Variants in SNX29 observed in about 807,000 individuals in gnomAD.
SNX29 encodes sorting nexin-29.
In SNX29, 78 loss-of-function variants were observed where a neutral mutation model predicts 102.1. The ratio of observed to expected loss-of-function variants is 0.76; its 90% CI spans 0.64 to 0.92. SNX29 has a LOEUF of 0.92. Ranked by LOEUF, SNX29 falls within the 40% of genes least tolerant of loss-of-function variation. The pLI, the probability that SNX29 is intolerant of heterozygous loss-of-function variation, is 0.00. For missense variants in SNX29, 1,280 were observed against 1,061.7 expected (o/e 1.21, Z -2.86); for synonymous variants, 580 against 414.5 (o/e 1.40, Z -4.85).
chr16:12,495,598 G>A (rs1212177155), intron 19 of SNX29, among the ~76,000 whole-genome samples: 2 of 152,336 alleles, frequency 1.3e-5, no homozygotes, highest in East Asian at 3.9e-4. Context: ...CTTAAACATG[G>A]TAAGTGTGTT....
At chr16:12,301,825 A>G (rs567745836) in intron 15 of SNX29, among the ~76,000 whole-genome samples, 11 of 152,224 alleles carry the variant, frequency 7.2e-5, no homozygotes, top group Non-Finnish European at 1.3e-4. Context: ...GGACAGAGAA[A>G]GAAAGATTTT....
Position 12,568,570 on chromosome 16 carries a change from C to T in SNX29, c.2383C>T (p.Leu795=), listed in dbSNP as rs1257531107. ...CAAAGCAGCTTCCCGCTTCCCCAAA[C>T]TGTCCCGGGGTCAGCCCCGGGAGAC... ...RPKAASRFPK[L]SRGQPRETRN... Residue 795 remains leucine (L), a synonymous_variant, in exon 21 of 21, where the codon CTG becomes TTG. Transcript: ENST00000566228. 4.4e-6 allele frequency: 7 copies of T among 1,608,286 alleles called. No homozygotes were observed. The highest frequency in any genetic ancestry group is 5.9e-6 in the Non-Finnish European group (7 of 1,179,850).
chr16:11,997,710 G>C (rs2056135552), intron 1 of SNX29, among the ~76,000 whole-genome samples: 1 of 151,986 alleles, frequency 6.6e-6, no homozygotes, highest in African/African-American at 2.4e-5. Flanking sequence ...AACTCCTGAT[G>C]TCAAGCAATC....
chr16:12,168,740 G>A (rs556388680), intron 13 of SNX29, among the ~76,000 whole-genome samples: 1 of 152,166 alleles, frequency 6.6e-6, no homozygotes, highest in Admixed American at 6.5e-5. Flanking sequence ...TAACAATAAC[G>A]TATTGAGTTA....
intron 16 of SNX29, among the ~76,000 whole-genome samples, chr16:12,390,768 T>C (rs76532863): frequency 0.013 from 2,025 of 152,074 alleles, 46 homozygotes; most frequent in African/African-American, 0.047. Flanking sequence ...CAGCTTCTGT[T>C]GTCCCCATTT....
intron 19 of SNX29, among the ~76,000 whole-genome samples, chr16:12,486,153 C>G (rs2088219082): frequency 6.6e-6 from 1 of 152,192 alleles, no homozygotes. Context: ...TGGCTCGTGG[C>G]CCCTTCCTCT....
intron 14 of SNX29, among the ~76,000 whole-genome samples, chr16:12,241,039 A>G (rs2078088802): frequency 6.6e-6 from 1 of 152,186 alleles, no homozygotes; most frequent in Non-Finnish European, 1.5e-5. Context: ...CGTTTGTAGT[A>G]TGCGTGATTG....
At chr16:12,564,160 A>G (rs996777350) in intron 20 of SNX29, among the ~76,000 whole-genome samples, 5 of 152,126 alleles carry the variant, frequency 3.3e-5, no homozygotes, top group African/African-American at 1.2e-4. Flanking sequence ...GGCCTGAGGT[A>G]GAGGATTGCT....
At chr16:12,199,574 A>T (rs1275416434) in intron 13 of SNX29, 27 bp from the exon 14 acceptor site, 2 of 1,582,710 alleles carry the variant, frequency 1.3e-6, no homozygotes, top group Non-Finnish European at 1.7e-6. Context: ...TTAAATATAT[A>T]TTTTTTTAAC....
chr16:12,031,813 A>G (rs902313282), intron 4 of SNX29, among the ~76,000 whole-genome samples: 6 of 136,052 alleles, frequency 4.4e-5, no homozygotes, highest in African/African-American at 1.6e-4. Flanking sequence ...TCAAAACAAA[A>G]CAAAGCAAAA....
intron 19 of SNX29, among the ~76,000 whole-genome samples, chr16:12,482,414 G>T (rs1333460081): frequency 6.6e-6 from 1 of 151,986 alleles, no homozygotes; most frequent in East Asian, 1.9e-4. Context: ...TGACCCTCTT[G>T]CTTCAGCCTC....
intron 15 of SNX29, among the ~76,000 whole-genome samples, chr16:12,316,326 C>T (rs137950791): frequency 0.011 from 1,716 of 152,210 alleles, 15 homozygotes; most frequent in Non-Finnish European, 0.02. Flanking sequence ...GGGTGGATCA[C>T]GAGGTCAAGA....
intron 19 of SNX29, among the ~76,000 whole-genome samples, chr16:12,518,956 T>C (rs9938756): frequency 0.048 from 7,384 of 152,248 alleles, 643 homozygotes; most frequent in African/African-American, 0.17. Flanking sequence ...GGGCCTCGGC[T>C]GGTCATACTG....
In SNX29 at chr16:12,251,284, G is replaced by T. The variant is rs1018509778; in HGVS notation, c.1679-26649G>T. Among the ~76,000 whole-genome samples the T allele has an allele frequency of 5.9e-5, 9 of 152,352 alleles. No homozygotes were observed. The South Asian group carries it at 1.5e-3, about 25-fold the overall frequency. The stretch of plus-strand genomic sequence containing the variant: ...TGAGCTAATGTGTGGCAAGGACTTA[G>T]AACAGCAGAAAAAACTGCTGAAGAA... On this transcript the variant is annotated intron_variant, in intron 14 of 20. Transcript: ENST00000566228.
rs1307724832 is a variant in SNX29 at position 12,571,196 on chromosome 16, G to A, written c.*2567G>A. On this transcript the variant is annotated 3_prime_UTR_variant, in exon 21 of 21. Transcript: ENST00000566228. ...TCTAGTGTGGTGGGATGAACTTCAG[G>A]CAACAAACAACTGGCAGGGTTCCCA... The A allele has an allele frequency of 8.6e-6, 2 of 231,966 alleles. No homozygotes were observed. Among genetic ancestry groups the A allele is most frequent in the East Asian group, 1.2e-4 (2 of 16,490 alleles). The allele number at this position is 231,966 out of a possible 1,614,324, so 14.4% of individuals were successfully genotyped here.
intron 1 of SNX29, among the ~76,000 whole-genome samples, chr16:11,984,105 C>T (rs986194063): frequency 6.6e-6 from 1 of 152,088 alleles, no homozygotes; most frequent in East Asian, 1.9e-4. Context: ...GTAATTCCAG[C>T]ACTTTAGGAG....
intron 20 of SNX29, among the ~76,000 whole-genome samples, chr16:12,558,996 C>T (rs546699582): frequency 3.3e-5 from 5 of 152,186 alleles, no homozygotes; most frequent in Admixed American, 3.3e-4. Context: ...GAAATTTACA[C>T]AGTTATGGGG....
intron 8 of SNX29, among the ~76,000 whole-genome samples, chr16:12,060,626 G>A (rs541451853): frequency 9.2e-5 from 14 of 152,178 alleles, no homozygotes; most frequent in Non-Finnish European, 1.6e-4. Context: ...GGGACTTTGA[G>A]CATCCTCAGA....
intron 16 of SNX29, among the ~76,000 whole-genome samples, chr16:12,386,159 C>A (rs1189830776): frequency 6.6e-6 from 1 of 152,218 alleles, no homozygotes; most frequent in East Asian, 1.9e-4. Flanking sequence ...TGATCCAGAT[C>A]CATTTCTGAA....
Sources: allele counts gnomAD v4.1 joint callset (sites outside exome capture counted in the v4.1 genomes callset), GRCh38; gene constraint gnomAD v4.1.1; transcripts MANE v1.5; gene names NCBI Gene and HGNC (gene_info 2026-07-23, HGNC 2026-07-21).